Variants in DPH7 observed in about 807,000 individuals in gnomAD.
The protein encoded by DPH7 is diphthamide biosynthesis 7, also known as diphthine methyltransferase.
In DPH7, 44 loss-of-function variants were observed where a neutral mutation model predicts 41.7. The ratio of observed to expected loss-of-function variants is 1.05; its 90% CI spans 0.83 to 1.36. DPH7 has a LOEUF of 1.36. DPH7 is among the 40% of genes most tolerant of loss of function. DPH7 has a pLI of 0.00. For synonymous variants in DPH7, 275 were observed against 238.0 expected (o/e 1.16, Z -1.43); for missense variants, 629 against 577.5 (o/e 1.09, Z -0.91).
At position 137,570,697 on chromosome 9, in the gene DPH7, C is replaced by T. The variant is rs117905925; in HGVS notation, c.640+3511G>A. Reference sequence around the variant, plus strand: ...CCCTGGCCCATTACCTCTGATTTCACCCTCTTCTATTCCGCTACTGCCTCA... The same window carrying T: ...CCCTGGCCCATTACCTCTGATTTCATCCTCTTCTATTCCGCTACTGCCTCA... On this transcript the variant is annotated intron_variant, in intron 5 of 8. Transcript: ENST00000277540. 5.4e-3 allele frequency among the ~76,000 whole-genome samples: 824 copies of T among 152,326 alleles called. 7 individuals carry two copies. The highest frequency in any genetic ancestry group is 0.02 in the Middle Eastern group (6 of 294).
chr9:137,555,724 G>T, intron 8 of DPH7, 76 bp from the exon 9 acceptor site: 1 of 1,475,666 alleles, frequency 6.8e-7, no homozygotes, highest in Non-Finnish European at 9.0e-7. Context: ...CACCTGACAG[G>T]GAGACTCCAA....
chr9:137,570,882 A>G (rs1588900023), intron 5 of DPH7, among the ~76,000 whole-genome samples: 1 of 152,070 alleles, frequency 6.6e-6, no homozygotes, highest in Non-Finnish European at 1.5e-5. Context: ...CCTTCTTTCC[A>G]AAGCACTCAT....
chr9:137,575,187 C>G (rs558200130), intron 3 of DPH7: 2 of 1,027,142 alleles, frequency 1.9e-6, no homozygotes, highest in Non-Finnish European at 2.3e-6. Flanking sequence ...GTGGCACACA[C>G]AGTTTCCCAC....
At chr9:137,560,289 G>A (rs1396408119) in intron 8 of DPH7, among the ~76,000 whole-genome samples, 3 of 152,112 alleles carry the variant, frequency 2.0e-5, no homozygotes, top group Non-Finnish European at 4.4e-5. Flanking sequence ...CGGTGGCTGG[G>A]AACAGCTGTC....
intron 2 of DPH7, among the ~76,000 whole-genome samples, chr9:137,576,715 A>G (rs1301146079): frequency 2.0e-5 from 3 of 152,070 alleles, no homozygotes; most frequent in South Asian, 4.1e-4. Flanking sequence ...TGGTGAAACC[A>G]CGTCTCTACT....
chr9:137,569,708 CATCCACCCATG>C (rs1465080404), intron 5 of DPH7, among the ~76,000 whole-genome samples: 2 of 137,978 alleles, frequency 1.4e-5, no homozygotes, highest in Non-Finnish European at 3.2e-5. Flanking sequence ...AAAATCCATC[CATCCACCCATG>C]ATCCATCCAT....
At chr9:137,558,312 G>A (rs1231999098) in intron 8 of DPH7, among the ~76,000 whole-genome samples, 1 of 152,158 alleles carries the variant, frequency 6.6e-6, no homozygotes, top group Non-Finnish European at 1.5e-5. Flanking sequence ...CAGGAGGACT[G>A]CTTGTGTCCA....
At position 137,578,761 on chromosome 9, in the gene DPH7, G is replaced by A; in HGVS notation, c.17C>T (p.Ala6Val). 2.0e-6 allele frequency: 3 copies of A among 1,513,886 alleles called. No homozygotes were observed. The highest frequency in any genetic ancestry group is 1.3e-5 in the South Asian group (1 of 79,784). 93.8% of individuals were successfully genotyped at this position (1,513,886 alleles called of 1,614,324 possible). ...CAGCTCGGTGTCCACCGTTTGCAGG[G>A]CGAAACAGCCCATCATCCAGCCCTC... MMGCFALQTVDTELTA... is the reference protein window; with the variant it reads MMGCFVLQTVDTELTA... The change falls in exon 1 of 9, where the codon GCC (alanine) becomes GTC (valine). Residue 6 changes from alanine (A) to valine (V), a missense_variant. Transcript: ENST00000277540.
chr9:137,564,760 G>T, intron 7 of DPH7, 133 bp downstream of exon 7: 1 of 1,419,334 alleles, frequency 7.0e-7, no homozygotes, highest in South Asian at 1.2e-5. Flanking sequence ...CCTACACTCC[G>T]GCGAAGCACT....
chr9:137,556,841 T>G lies in DPH7; in HGVS notation c.950-1193A>C, dbSNP rs1837590803. 4.4e-6 allele frequency: 2 copies of G among 456,410 alleles called. No individual in the cohort carries two copies. Among genetic ancestry groups the G allele is most frequent in the South Asian group, 3.1e-5 (2 of 64,542 alleles). 28.3% of individuals were successfully genotyped at this position (456,410 alleles called of 1,614,324 possible). On this transcript the variant is annotated intron_variant, in intron 8 of 8. Coordinates refer to ENST00000277540, the MANE Select transcript of DPH7 (RefSeq NM_138778.5). The surrounding 1 kb of genome is among the most constrained non-coding windows in gnomAD (Gnocchi z 5.2). ...CTTAGGAAAAGGTAATAAGGCAGAG[T>G]CTAAGCCCTCAGAGAGCCACAGCCT...
intron 8 of DPH7, among the ~76,000 whole-genome samples, chr9:137,562,139 C>T (rs1442117384): frequency 6.6e-6 from 1 of 152,212 alleles, no homozygotes; most frequent in Non-Finnish European, 1.5e-5. Context: ...ACTGGGATTA[C>T]AGGCGTGAGC....
At chr9:137,559,992 T>C (rs1354781595) in intron 8 of DPH7, among the ~76,000 whole-genome samples, 1 of 152,216 alleles carries the variant, frequency 6.6e-6, no homozygotes, top group African/African-American at 2.4e-5. Context: ...CTGCACTAAA[T>C]TGCACACTTA....
At chr9:137,570,371 C>A (rs890359326) in intron 5 of DPH7, among the ~76,000 whole-genome samples, 1 of 152,210 alleles carries the variant, frequency 6.6e-6, no homozygotes, top group East Asian at 1.9e-4. Flanking sequence ...GCATGCCCCA[C>A]ATATCCACTC....
intron 7 of DPH7, 27 bp from the exon 8 acceptor site, chr9:137,564,633 T>C (rs757383325): frequency 1.0e-5 from 16 of 1,598,602 alleles, no homozygotes; most frequent in Non-Finnish European, 1.4e-5. Context: ...ACAGGAGGCA[T>C]ATAAGGAAAG....
At position 137,577,505 on chromosome 9, in the gene DPH7, T is replaced by C; in HGVS notation, c.252A>G (p.Gln84=). The change falls in exon 2 of 9, where the codon CAA becomes CAG. Residue 84 remains glutamine (Q), a synonymous_variant. Transcript: ENST00000277540. The stretch of plus-strand genomic sequence containing the variant: ...CCAGGATTGCAGAAGTATCTTTTCT[T>C]TGGACCTCGACCAGAGGGTGAATAG... ...NNSIHPLVEV[Q]RKDTSAILDM... 6.2e-7 allele frequency: 1 copy of C among 1,614,072 alleles called. No homozygotes were observed. The highest frequency in any genetic ancestry group is 1.1e-5 in the South Asian group (1 of 91,074).
rs372440194 is a variant in DPH7, at chr9:137,564,419, C to T, written c.949+15G>A. On this transcript the variant is annotated intron_variant, in intron 8 of 8. Coordinates refer to ENST00000277540, the MANE Select transcript of DPH7 (RefSeq NM_138778.5). The stretch of plus-strand genomic sequence containing the variant: ...GCCCTGCCCTGAGGCCCAGCAGCCA[C>T]GGGTCCCCACTCACCCATTGCCTTT... The T allele has an allele frequency of 1.4e-5, 23 of 1,602,946 alleles. No homozygotes were observed. The highest frequency in any genetic ancestry group is 7.7e-5 in the South Asian group (7 of 90,362).
Position 137,555,199 on chromosome 9 carries a change from T to C in DPH7, c.*40A>G. 1 of 1,554,326 alleles carries C rather than the reference T, an allele frequency of 6.4e-7. No individual in the cohort carries two copies. The highest frequency in any genetic ancestry group is 8.7e-7 in the Non-Finnish European group (1 of 1,148,772). On this transcript the variant is annotated 3_prime_UTR_variant, in exon 9 of 9. Coordinates refer to ENST00000277540, the MANE Select transcript of DPH7 (RefSeq NM_138778.5). ...CCCGGGCACTCACTCGCAGTCTCCC[T>C]CCTGGTTTCCTTGTGGGAAGGGGCT...
intron 8 of DPH7, among the ~76,000 whole-genome samples, chr9:137,560,583 G>C (rs578023558): frequency 6.2e-4 from 94 of 152,194 alleles, no homozygotes; most frequent in Non-Finnish European, 1.2e-3. Context: ...GGCCAGGCAG[G>C]GTGGCTCACG....
At chr9:137,562,917 A>G (rs821322) in intron 8 of DPH7, among the ~76,000 whole-genome samples, 4,350 of 152,112 alleles carry the variant, frequency 0.029, 213 homozygotes, top group African/African-American at 0.099. Flanking sequence ...CAGTGAGACG[A>G]GATCACACCA....
Sources: allele counts gnomAD v4.1 joint callset (sites outside exome capture counted in the v4.1 genomes callset), GRCh38; gene constraint gnomAD v4.1.1; non-coding constraint Gnocchi (gnomAD v3.1); transcripts MANE v1.5; gene names NCBI Gene and HGNC (gene_info 2026-07-23, HGNC 2026-07-21).